The following RAD51B variants were observed in gnomAD, a reference collection of about 807,000 sequenced individuals.
RAD51B encodes the protein RAD51 paralog B.
A neutral mutation model predicts 42.2 loss-of-function variants in RAD51B; 38 were observed. The observed-to-expected ratio is 0.90, with a 90% CI of 0.70 to 1.18. The LOEUF (loss-of-function observed/expected upper bound fraction) is 1.18. RAD51B is among the 50% of genes most tolerant of loss of function. The probability of loss-of-function intolerance (pLI) is 0.00; values close to 1 mark genes in which losing one functional copy is unlikely to be tolerated. For synonymous variants in RAD51B, 154 were observed against 145.2 expected, an observed-to-expected ratio of 1.06 and a Z score of -0.43; for missense variants, 373 against 400.7, an observed-to-expected ratio of 0.93 and a Z score of 0.59.
At chr14:67,998,596 TGGCAAA>T (rs2075426444) in intron 7 of RAD51B, among the ~76,000 whole-genome samples, 1 of 152,202 alleles carries the variant, frequency 6.6e-6, no homozygotes, top group African/African-American at 2.4e-5. Context: ...AGATATTACA[TGGCAAA>T]GTTATCTCAG....
At chr14:67,995,343 C>T (rs895527216) in intron 7 of RAD51B, among the ~76,000 whole-genome samples, 6 of 152,016 alleles carry the variant, frequency 3.9e-5, no homozygotes, top group East Asian at 1.9e-4. Context: ...GCCGAGATCA[C>T]GCCACTACTC....
intron 10 of RAD51B, among the ~76,000 whole-genome samples, chr14:68,547,977 G>A (rs1888323125): frequency 6.6e-6 from 1 of 152,112 alleles, no homozygotes; most frequent in Admixed American, 6.5e-5. Flanking sequence ...AAACCCTTCT[G>A]GAAATCCCCC....
At chr14:68,660,128 A>G (rs1284041150) in intron 11 of RAD51B, among the ~76,000 whole-genome samples, 1 of 152,250 alleles carries the variant, frequency 6.6e-6, no homozygotes, top group Non-Finnish European at 1.5e-5. Flanking sequence ...CCTGACTTGA[A>G]GAAGGCTGGC....
chr14:67,983,328 G>T (rs1463376643), intron 7 of RAD51B, among the ~76,000 whole-genome samples: 2 of 151,984 alleles, frequency 1.3e-5, no homozygotes, highest in African/African-American at 4.8e-5. Flanking sequence ...AAAGGAAAAA[G>T]AGCAGAAAAG....
At chr14:68,594,987 T>G in exon 11 of RAD51B, 1 of 1,077,508 alleles carries the variant, frequency 9.3e-7, no homozygotes, top group East Asian at 4.8e-5. Flanking sequence ...CAGCTTGAAT[T>G]TCTTGAGGCT....
At chr14:67,886,037 GT>G in intron 6 of RAD51B, 49 bp downstream of exon 6, 1 of 1,385,558 alleles carries the variant, frequency 7.2e-7, no homozygotes, top group Non-Finnish European at 9.7e-7. Context: ...GAAGGTTTAT[GT>G]TTTATCTTTT....
rs1000512682 is a variant in RAD51B at position 68,457,085 on chromosome 14, G to A, written c.958-11087G>A. Among the ~76,000 whole-genome samples the A allele has an allele frequency of 4.6e-5, 7 of 151,140 alleles. No individual in the cohort carries two copies. In the South Asian group the frequency reaches 8.4e-4, roughly 18 times the overall value. On this transcript the variant is annotated intron_variant, in intron 9 of 10. Transcript: ENST00000471583. ...GCACCACCACACCCAACTAATTTTTGTATGTTTAGTAGAGACAGGGTTTTG... is the reference window on the plus strand; with the variant it reads ...GCACCACCACACCCAACTAATTTTTATATGTTTAGTAGAGACAGGGTTTTG...
At chr14:68,532,402 A>T (rs1406829750) in intron 10 of RAD51B, among the ~76,000 whole-genome samples, 1 of 152,228 alleles carries the variant, frequency 6.6e-6, no homozygotes, top group Non-Finnish European at 1.5e-5. Context: ...AACATAATTT[A>T]TAATGATAGA....
At chr14:68,295,561 C>G (rs1478510883) in intron 8 of RAD51B, among the ~76,000 whole-genome samples, 1 of 152,076 alleles carries the variant, frequency 6.6e-6, no homozygotes, top group Non-Finnish European at 1.5e-5. Flanking sequence ...GATAGGAGCT[C>G]TTTTGATCTC....
At chr14:67,950,287 T>C (rs1357326982) in intron 7 of RAD51B, among the ~76,000 whole-genome samples, 1 of 152,234 alleles carries the variant, frequency 6.6e-6, no homozygotes, top group East Asian at 1.9e-4. Flanking sequence ...ATCAGTGATC[T>C]TAGGGAGATC....
chr14:68,154,531 C>T (rs897530296), intron 7 of RAD51B, among the ~76,000 whole-genome samples: 1 of 152,218 alleles, frequency 6.6e-6, no homozygotes, highest in African/African-American at 2.4e-5. Flanking sequence ...GGGAGACTCT[C>T]TAAGATCTCT....
intron 7 of RAD51B, among the ~76,000 whole-genome samples, chr14:68,053,510 A>G (rs914432382): frequency 6.6e-6 from 1 of 152,194 alleles, no homozygotes; most frequent in Non-Finnish European, 1.5e-5. Flanking sequence ...AAAATGCTCT[A>G]TAAATATAAA....
chr14:67,875,763 T>A (rs2140024191), intron 5 of RAD51B, among the ~76,000 whole-genome samples: 2 of 152,304 alleles, frequency 1.3e-5, no homozygotes, highest in South Asian at 4.1e-4. Flanking sequence ...ATTTAGAGTG[T>A]CATTCTTTCT....
chr14:68,227,849 A>G (rs565575132), intron 7 of RAD51B, among the ~76,000 whole-genome samples: 2 of 152,312 alleles, frequency 1.3e-5, no homozygotes, highest in Non-Finnish European at 2.9e-5. Context: ...TTTGAAATAC[A>G]TGTGCTGGCC....
At chr14:68,016,972 T>A (rs2075786791) in intron 7 of RAD51B, among the ~76,000 whole-genome samples, 1 of 152,136 alleles carries the variant, frequency 6.6e-6, no homozygotes, top group Admixed American at 6.5e-5. Context: ...TGATCAAAAT[T>A]TAAAAATATA....
intron 7 of RAD51B, among the ~76,000 whole-genome samples, chr14:68,017,518 T>A (rs2075796839): frequency 6.6e-6 from 1 of 152,106 alleles, no homozygotes. Flanking sequence ...CTTAGAAATT[T>A]AATATTTTCC....
intron 4 of RAD51B, among the ~76,000 whole-genome samples, chr14:67,839,571 TA>T (rs1033757611): frequency 6.6e-6 from 1 of 151,878 alleles, no homozygotes; most frequent in Non-Finnish European, 1.5e-5. Flanking sequence ...CCCTCTCTTT[TA>T]AAAAAAATCT....
chr14:68,271,563 C>T lies in RAD51B; in HGVS notation c.757-20321C>T, dbSNP rs546030178. Among the ~76,000 whole-genome samples, 12 of 152,222 alleles carry T rather than the reference C, an allele frequency of 7.9e-5. No individual in the cohort carries two copies. In the East Asian group the frequency reaches 1.5e-3, roughly 20 times the overall value. On this transcript the variant is annotated intron_variant, in intron 7 of 10. Transcript: ENST00000471583. ...TGGTAGGTAAGAAACAAGGCTTTAT[C>T]GTCCAATGGATATGGGTTCTGGGCT...
chr14:68,641,615 C>T (rs1156644269), intron 10 of RAD51B, among the ~76,000 whole-genome samples: 1 of 124,240 alleles, frequency 8.0e-6, no homozygotes, highest in Non-Finnish European at 1.8e-5. Flanking sequence ...TGAGGAAATT[C>T]CCCTGTATTT....
Sources: gnomAD v4.1 joint callset for allele counts (sites outside exome capture counted in the v4.1 genomes callset) on GRCh38, gnomAD v4.1.1 for gene constraint, MANE v1.5 for transcripts, NCBI Gene and HGNC (gene_info 2026-07-23, HGNC 2026-07-21) for gene names.